KCNK10: variants seen among roughly 807,000 people sequenced by gnomAD.
KCNK10 encodes the protein potassium channel subfamily K member 10.
A neutral mutation model predicts 47.7 loss-of-function variants in KCNK10; 25 were observed. That is an observed-to-expected ratio of 0.52 (90% CI 0.38 to 0.73). The LOEUF is 0.73. KCNK10 is among the 30% of genes least tolerant of loss of function. KCNK10 has a pLI of 0.00. For synonymous variants in KCNK10, 303 were observed against 285.6 expected (o/e 1.06, Z -0.61); for missense variants, 563 against 714.5 (o/e 0.79, Z 2.42).
At chr14:88,289,040 CATCTAGAAT>C (rs1350283877) in intron 1 of KCNK10, among the ~76,000 whole-genome samples, 1 of 152,160 alleles carries the variant, frequency 6.6e-6, no homozygotes, top group African/African-American at 2.4e-5. Context: ...ATAAACTTCC[CATCTAGAAT>C]ATATGATTCA....
chr14:88,245,690 A>G (rs1414102424), intron 2 of KCNK10, among the ~76,000 whole-genome samples: 2 of 152,214 alleles, frequency 1.3e-5, no homozygotes. Context: ...AAAGAAAGAC[A>G]AACAAAGGTG....
At chr14:88,323,344 C>T (rs759234369), upstream of KCNK10, 1,804 of 960,996 alleles carry the variant, frequency 1.9e-3, 2 homozygotes, top group Non-Finnish European at 2.1e-3. Flanking sequence ...TCGCCCCCGG[C>T]GACGCCCCCC....
At position 88,186,786 on chromosome 14, in the gene KCNK10, G is replaced by T. The variant is rs972429954; in HGVS notation, c.1012-631C>A. 6.6e-6 allele frequency among the ~76,000 whole-genome samples: 1 copy of T among 152,158 alleles called. No individual in the cohort carries two copies. Among genetic ancestry groups the T allele is most frequent in the African/African-American group, 2.4e-5 (1 of 41,436 alleles). On this transcript the variant is annotated intron_variant, in intron 6 of 6. Transcript: ENST00000319231. The surrounding 1 kb of genome is among the most constrained non-coding windows in gnomAD (Gnocchi z 5.5). ...GCCATGCTATGGTCATGTGCTGTGG[G>T]GCTTTCCCTGGTTTAAGAAGATGCT...
chr14:88,259,769 T>C (rs994279596), intron 2 of KCNK10, among the ~76,000 whole-genome samples: 3 of 152,312 alleles, frequency 2.0e-5, no homozygotes, highest in South Asian at 4.1e-4. Context: ...CTAATGCTTT[T>C]TGACTGCTAA....
Position 88,182,580 on chromosome 14 carries a change from T to C in KCNK10, c.*2955A>G, listed in dbSNP as rs951807478. On this transcript the variant is annotated 3_prime_UTR_variant, in exon 7 of 7. Coordinates refer to ENST00000319231, the MANE Select transcript of KCNK10 (RefSeq NM_138317.3). ...ACACTTTGCACACATATTTAATCGA[T>C]CAATCACCATAGAGGATCTTCTTTG... is the stretch of plus-strand genomic sequence containing the variant. 1.3e-5 allele frequency: 2 copies of C among 152,330 alleles called. No homozygotes were observed. The highest frequency in any genetic ancestry group is 4.8e-5 in the African/African-American group (2 of 41,458). 9.4% of individuals were successfully genotyped at this position (152,330 alleles called of 1,614,324 possible). A position where few individuals can be genotyped will look rare whatever the true frequency, so the allele number is the denominator to read the frequency against.
chr14:88,249,744 AC>A (rs1389176595), intron 2 of KCNK10, among the ~76,000 whole-genome samples: 1 of 152,158 alleles, frequency 6.6e-6, no homozygotes, highest in Non-Finnish European at 1.5e-5. Context: ...GAGTTACTAC[AC>A]GTGAAGCATT....
intron 3 of KCNK10, among the ~76,000 whole-genome samples, chr14:88,238,231 A>G (rs1319344769): frequency 6.6e-6 from 1 of 152,236 alleles, no homozygotes; most frequent in Non-Finnish European, 1.5e-5. Flanking sequence ...CTTGCTCTGA[A>G]TTAGATTTTG....
chr14:88,249,703 C>T (rs924481099), intron 2 of KCNK10, among the ~76,000 whole-genome samples: 1 of 152,114 alleles, frequency 6.6e-6, no homozygotes, highest in South Asian at 2.1e-4. Context: ...GTTGCTTACC[C>T]CACTTCATAG....
intron 1 of KCNK10, chr14:88,271,045 A>C: frequency 2.0e-6 from 1 of 498,090 alleles, no homozygotes; most frequent in Non-Finnish European, 3.6e-6. Context: ...TCCCAGAGAA[A>C]CAGGTCTCGC....
chr14:88,326,191 A>AC (rs1467665800), upstream of KCNK10, among the ~76,000 whole-genome samples: 1 of 113,832 alleles, frequency 8.8e-6, no homozygotes, highest in Non-Finnish European at 1.8e-5. Flanking sequence ...GCCCCCCCCC[A>AC]AAAAAAAATC....
In KCNK10 at chr14:88,295,111, G is replaced by C. The variant is rs369834573; in HGVS notation, c.52+27636C>G. Among the ~76,000 whole-genome samples, 17 of 152,320 alleles carry C rather than the reference G, an allele frequency of 1.1e-4. No homozygotes were observed. In the East Asian group the frequency reaches 1.4e-3, roughly 12 times the overall value. ...ATGATGACAAGTACAGCCGTGACAA[G>C]GGTGACAGTAGCGTTGTTCTGTGTG... is the stretch of plus-strand genomic sequence containing the variant. On this transcript the variant is annotated intron_variant, in intron 1 of 6. Transcript: ENST00000319231.
At chr14:88,287,982 C>T (rs1243056520) in intron 1 of KCNK10, among the ~76,000 whole-genome samples, 1 of 152,250 alleles carries the variant, frequency 6.6e-6, no homozygotes, top group South Asian at 2.1e-4. Context: ...GTTCCCTTTT[C>T]ACCACATCCC....
chr14:88,199,506 G>C (rs1346657172), intron 4 of KCNK10, among the ~76,000 whole-genome samples: 7 of 152,164 alleles, frequency 4.6e-5, no homozygotes, highest in Non-Finnish European at 1.0e-4. Flanking sequence ...ACAAGAACCT[G>C]GAAAAGCAGC....
At position 88,220,416 on chromosome 14, in the gene KCNK10, C is replaced by CAAA. The variant is rs58562095; in HGVS notation, c.681+6956_681+6958dup. On this transcript the variant is annotated intron_variant, in intron 4 of 6. Transcript: ENST00000319231. ...TGGGCGACAGAGCGAGACTCCGTCT[C>CAAA]AAAAAAAAAAAAAAAAAAAAAAAAA... is the stretch of plus-strand genomic sequence containing the variant. 2.1e-3 allele frequency among the ~76,000 whole-genome samples: 64 copies of CAAA among 30,160 alleles called. 14 individuals are homozygous for CAAA. Among genetic ancestry groups the CAAA allele is most frequent in the Admixed American group, 3.8e-3 (6 of 1,562 alleles). The allele number at this position is 30,160 out of a possible 152,430, so 19.8% of individuals were successfully genotyped here.
In KCNK10 at chr14:88,322,623, C is replaced by T. The variant is rs1466449735; in HGVS notation, c.52+124G>A. ...CCCTCCTCCCACCCGCGCTGCAGTT[C>T]CCAGGCGCATTTCCCAGCCTCAGGA... On this transcript the variant is annotated intron_variant, in intron 1 of 6. Transcript: ENST00000319231. This position sits in a 1 kb window ranked among gnomAD's most constrained non-coding sequence, Gnocchi z 4.8. 5 of 1,355,702 alleles carry T rather than the reference C, an allele frequency of 3.7e-6. No individual in the cohort carries two copies. Among genetic ancestry groups the T allele is most frequent in the East Asian group, 2.3e-5 (1 of 43,246 alleles). The allele number at this position is 1,355,702 out of a possible 1,614,324, so 84.0% of individuals were successfully genotyped here.
intron 4 of KCNK10, among the ~76,000 whole-genome samples, chr14:88,216,416 T>C (rs907191430): frequency 3.3e-5 from 5 of 152,264 alleles, no homozygotes; most frequent in Admixed American, 1.3e-4. Flanking sequence ...TGGAGACATT[T>C]TGGCTGTCAT....
chr14:88,315,595 G>A (rs1029933300), intron 1 of KCNK10, among the ~76,000 whole-genome samples: 3 of 152,012 alleles, frequency 2.0e-5, no homozygotes, highest in East Asian at 1.9e-4. Context: ...AGGGGATCTC[G>A]AGTTCTGCTT....
At chr14:88,281,324 T>C (rs1180553408) in intron 1 of KCNK10, among the ~76,000 whole-genome samples, 1 of 152,200 alleles carries the variant, frequency 6.6e-6, no homozygotes, top group Non-Finnish European at 1.5e-5. Flanking sequence ...CTTGACTGTG[T>C]CAGAGGATGC....
chr14:88,262,141 G>A (rs1887128754), intron 2 of KCNK10, among the ~76,000 whole-genome samples: 1 of 152,192 alleles, frequency 6.6e-6, no homozygotes, highest in South Asian at 2.1e-4. Flanking sequence ...TCCAGAGCCA[G>A]AAGGAATTGT....
Sources: gnomAD v4.1 joint callset for allele counts (sites outside exome capture counted in the v4.1 genomes callset) on GRCh38, gnomAD v4.1.1 for gene constraint, Gnocchi (gnomAD v3.1) non-coding constraint, MANE v1.5 for transcripts, NCBI Gene and HGNC (gene_info 2026-07-23, HGNC 2026-07-21) for gene names.